The following GPALPP1 variants were observed in gnomAD, a reference collection of about 807,000 sequenced individuals.
GPALPP1 encodes GPALPP motifs containing 1, also known as GPALPP motifs-containing protein 1.
A neutral mutation model predicts 38.9 loss-of-function variants in GPALPP1; 30 were observed. The observed-to-expected ratio is 0.77, with a 90% CI of 0.58 to 1.05. The LOEUF (loss-of-function observed/expected upper bound fraction) is 1.05, where lower values mean the gene tolerates loss of function less well. Ranked by LOEUF, GPALPP1 falls within the 50% of genes least tolerant of loss-of-function variation. GPALPP1 has a pLI of 0.00. For synonymous variants in GPALPP1, 120 were observed against 139.2 expected (o/e 0.86, Z 0.97); for missense variants, 384 against 408.8 (o/e 0.94, Z 0.52).
At chr13:44,992,329 C>T (rs187387658) in intron 1 of GPALPP1, among the ~76,000 whole-genome samples, 20 of 152,094 alleles carry the variant, frequency 1.3e-4, no homozygotes, top group African/African-American at 4.6e-4. Context: ...AGTTGTCTGT[C>T]TTCATATTGA....
intron 1 of GPALPP1, among the ~76,000 whole-genome samples, chr13:45,003,767 C>T (rs1873859240): frequency 6.6e-6 from 1 of 152,122 alleles, no homozygotes; most frequent in Non-Finnish European, 1.5e-5. Flanking sequence ...CCCTGTATCT[C>T]TGTTGGCAAG....
At chr13:45,017,070 T>C (rs1243062224) in intron 6 of GPALPP1, among the ~76,000 whole-genome samples, 1 of 152,250 alleles carries the variant, frequency 6.6e-6, no homozygotes, top group Non-Finnish European at 1.5e-5. Context: ...GCTCTGTTTG[T>C]ATTACTCATC....
chr13:45,004,314 C>A lies in GPALPP1; in HGVS notation c.98C>A (p.Pro33Gln), dbSNP rs767368604. ...EERDPSPVAGPALPPNYKSSS... is the reference protein window; with the variant it reads ...EERDPSPVAGQALPPNYKSSS... ...AACAAGTGTTCTTTAGTTGCAGGAC[C>A]AGCTCTGCCCCCTAATTATAAAAGC... The change falls in exon 2 of 8, where the codon CCA becomes CAA. Residue 33 changes from proline (P) to glutamine (Q), a missense_variant. Coordinates refer to ENST00000379151, the MANE Select transcript of GPALPP1 (RefSeq NM_018559.5). 6.2e-7 allele frequency: 1 copy of A among 1,611,020 alleles called. No individual in the cohort carries two copies. The highest frequency in any genetic ancestry group is 1.1e-5 in the South Asian group (1 of 90,768).
At chr13:45,030,743 A>G (rs1159020680), downstream of GPALPP1, 1 of 152,200 alleles carries the variant, frequency 6.6e-6, no homozygotes, top group African/African-American at 2.4e-5. Flanking sequence ...GCTTTATGAA[A>G]ATTGAGTATA....
chr13:45,024,262 C>CTGTGTGTGTG (rs34572145), intron 7 of GPALPP1, among the ~76,000 whole-genome samples: 4 of 24,238 alleles, frequency 1.7e-4, no homozygotes, highest in East Asian at 1.9e-3. Context: ...CCCTAAAACT[C>CTGTGTGTGTG]TGTGTGTGTG....
chr13:45,021,783 G>T (rs889985704), intron 7 of GPALPP1, among the ~76,000 whole-genome samples: 1 of 152,194 alleles, frequency 6.6e-6, no homozygotes. Context: ...ATATGAAGCG[G>T]TATTTAGAGG....
At chr13:44,999,556 G>T (rs189564693) in intron 1 of GPALPP1, among the ~76,000 whole-genome samples, 108 of 152,216 alleles carry the variant, frequency 7.1e-4, no homozygotes, top group Non-Finnish European at 2.9e-5. Context: ...CTGTATTGTG[G>T]CGTATACTGA....
chr13:45,007,681 C>G (rs983849955), intron 3 of GPALPP1, among the ~76,000 whole-genome samples: 1 of 152,158 alleles, frequency 6.6e-6, no homozygotes, highest in African/African-American at 2.4e-5. Flanking sequence ...GACTTTCTGA[C>G]TGTCAGTACT....
chr13:44,997,182 TGAAGATTCCTGAATCCA>T (rs1264531280), intron 1 of GPALPP1, among the ~76,000 whole-genome samples: 2 of 151,920 alleles, frequency 1.3e-5, no homozygotes, highest in Non-Finnish European at 2.9e-5. Flanking sequence ...TACCTTCAAG[TGAAGATTCCTGAATCCA>T]GTCTGTTATC....
At chr13:45,005,086 CTTTTTTTTTTTTT>C (rs71759613) in intron 2 of GPALPP1, 3 of 57,480 alleles carry the variant, frequency 5.2e-5, no homozygotes, top group African/African-American at 1.9e-4. Context: ...TAATGGTTTT[CTTTTTTTTTTTTT>C]TTTTTTTTTT....
Position 45,020,427 on chromosome 13 carries a change from A to G in GPALPP1, c.803A>G (p.Asn268Ser). The G allele has an allele frequency of 2.4e-6, 3 of 1,229,848 alleles. No individual in the cohort carries two copies. The highest frequency in any genetic ancestry group is 1.9e-4 in the Middle Eastern group (1 of 5,300). 76.2% of individuals were successfully genotyped at this position (1,229,848 alleles called of 1,614,324 possible). ...KRLAEQVSSYNESKRSESLMD... is the reference protein window; with the variant it reads ...KRLAEQVSSYSESKRSESLMD... ...CTGGCTGAGCAGGTATCTTCATACA[A>G]TGTAAGTAAGAAAATAAGATATATA... Residue 268 changes from asparagine to serine, a missense_variant and splice_region_variant, in exon 7 of 8, where the codon AAT (asparagine) becomes AGT (serine). By Grantham distance (46) the Asn-to-Ser change is conservative. Transcript: ENST00000379151.
intron 7 of GPALPP1, among the ~76,000 whole-genome samples, chr13:45,022,831 T>C (rs1472438153): frequency 6.6e-6 from 1 of 152,142 alleles, no homozygotes; most frequent in Non-Finnish European, 1.5e-5. Context: ...GGCCAAGAGA[T>C]AGAGACCAGC....
chr13:45,004,272 G>A (rs1158608044), intron 1 of GPALPP1, 33 bp from the exon 2 acceptor site: 1 of 1,592,226 alleles, frequency 6.3e-7, no homozygotes, highest in African/African-American at 1.3e-5. Flanking sequence ...AAACAGTAGT[G>A]GCTAGTGATG....
chr13:45,003,443 C>T (rs946289212), intron 1 of GPALPP1, among the ~76,000 whole-genome samples: 2 of 152,136 alleles, frequency 1.3e-5, no homozygotes, highest in Non-Finnish European at 2.9e-5. Context: ...AGGCCCTCCT[C>T]CAGGCCAACT....
At chr13:45,015,121 G>T in intron 5 of GPALPP1, 38 bp downstream of exon 5, 1 of 1,306,688 alleles carries the variant, frequency 7.7e-7, no homozygotes, top group Non-Finnish European at 1.0e-6. Flanking sequence ...ACACTAAATA[G>T]ATTAAAAATC....
chr13:44,995,024 G>A (rs1212673682), intron 1 of GPALPP1, among the ~76,000 whole-genome samples: 1 of 151,860 alleles, frequency 6.6e-6, no homozygotes, highest in Non-Finnish European at 1.5e-5. Flanking sequence ...AACTAATTTT[G>A]TATTTTTAGT....
At chr13:45,014,169 C>A (rs1286160764) in intron 4 of GPALPP1, among the ~76,000 whole-genome samples, 1 of 152,128 alleles carries the variant, frequency 6.6e-6, no homozygotes, top group Non-Finnish European at 1.5e-5. Flanking sequence ...GGTACCATGA[C>A]TCTTAGAGTT....
chr13:45,008,985 T>C (rs1165037195), intron 4 of GPALPP1, 106 bp downstream of exon 4: 2 of 724,160 alleles, frequency 2.8e-6, no homozygotes, highest in Non-Finnish European at 5.1e-6. Context: ...CTACAACCAC[T>C]GGACTCAACT....
At chr13:45,012,085 G>A (rs1874521043) in intron 4 of GPALPP1, among the ~76,000 whole-genome samples, 2 of 152,114 alleles carry the variant, frequency 1.3e-5, no homozygotes, top group African/African-American at 2.4e-5. Flanking sequence ...AGTCGTTTTA[G>A]AGAACCCAGT....
Sources: allele counts gnomAD v4.1 joint callset (sites outside exome capture counted in the v4.1 genomes callset), GRCh38; gene constraint gnomAD v4.1.1; transcripts MANE v1.5; gene names NCBI Gene and HGNC (gene_info 2026-07-23, HGNC 2026-07-21).